The following C11orf65 variants were observed in gnomAD, a reference collection of about 807,000 sequenced individuals.
C11orf65 encodes the protein chromosome 11 open reading frame 65, also known as protein MFI.
A neutral mutation model predicts 35.3 loss-of-function variants in C11orf65; 38 were observed. That is an observed-to-expected ratio of 1.08 (90% CI 0.83 to 1.41). The LOEUF is 1.41. Among genes scored for constraint, C11orf65 ranks in the 40% most tolerant of loss-of-function variants. The pLI, the probability that C11orf65 is intolerant of heterozygous loss-of-function variation, is 0.00. For synonymous variants in C11orf65, 105 were observed against 114.4 expected (o/e 0.92, Z 0.53); for missense variants, 370 against 367.1 (o/e 1.01, Z -0.06).
chr11:108,367,266 T>C, intron 2 of C11orf65: 3 of 180,100 alleles, frequency 1.7e-5, no homozygotes, highest in Non-Finnish European at 3.6e-5. Flanking sequence ...GGATTACAGG[T>C]GTGAGCCACC....
rs1591440945 is a variant in C11orf65 at position 108,388,565 on chromosome 11, T to G, written c.732-2590A>C. Among the ~76,000 whole-genome samples, 7 of 152,266 alleles carry G rather than the reference T, an allele frequency of 4.6e-5. No individual in the cohort carries two copies. The South Asian group carries it at 1.5e-3, about 32-fold the overall frequency. On this transcript the variant is annotated intron_variant, in intron 7 of 8. Coordinates refer to ENST00000393084, the MANE Select transcript of C11orf65 (RefSeq NM_152587.5). ...TATCTTAGAAATCAAAGGAGCAGCT[T>G]CAGATATAGAAACTATCCATAACAG...
At position 108,343,237 on chromosome 11, in the gene C11orf65, C is replaced by T. The variant is rs751574257; in HGVS notation, c.227-7945G>A. On this transcript the variant is annotated intron_variant, in intron 2 of 3. Coordinates refer to the C11orf65 transcript ENST00000524755. ...GTAACTCCAGGTGGTTCCCCTCTCTCAGCGAAGTGGTGTTCTTGAATGGTG... is the reference window on the plus strand; with the variant it reads ...GTAACTCCAGGTGGTTCCCCTCTCTTAGCGAAGTGGTGTTCTTGAATGGTG... The T allele has an allele frequency of 6.2e-7, 1 of 1,613,972 alleles. No individual in the cohort carries two copies. The highest frequency in any genetic ancestry group is 2.2e-5 in the East Asian group (1 of 44,872).
chr11:108,327,819 A>T, downstream of C11orf65: 1 of 1,209,354 alleles, frequency 8.3e-7, no homozygotes, highest in South Asian at 1.3e-5. Flanking sequence ...TCATCTTTTC[A>T]TCAAGATCAA....
intron 2 of C11orf65, chr11:108,365,259 G>C (rs1442055548): frequency 6.2e-7 from 1 of 1,614,066 alleles, no homozygotes; most frequent in African/African-American, 1.3e-5. Context: ...CAGTTTTTCA[G>C]ATTTTCTTAT....
chr11:108,394,512 C>G (rs1477591298), intron 6 of C11orf65, among the ~76,000 whole-genome samples: 1 of 152,224 alleles, frequency 6.6e-6, no homozygotes, highest in Admixed American at 6.5e-5. Context: ...TTCTGCAGCA[C>G]TGCCTGTCTT....
intron 2 of C11orf65, chr11:108,346,501 T>TG (rs1458045015): frequency 2.0e-4 from 29 of 146,386 alleles, no homozygotes; most frequent in Non-Finnish European, 9.1e-5. Flanking sequence ...TATTTGTTGT[T>TG]TTTTTTTTTT....
intron 2 of C11orf65, among the ~76,000 whole-genome samples, chr11:108,377,700 T>G (rs938049762): frequency 2.6e-5 from 4 of 151,718 alleles, no homozygotes; most frequent in Admixed American, 6.6e-5. Context: ...TGTCCCTGTT[T>G]GCAGATGACA....
chr11:108,411,843 A>G (rs2092663223), intron 3 of C11orf65, among the ~76,000 whole-genome samples: 1 of 149,898 alleles, frequency 6.7e-6, no homozygotes, highest in Non-Finnish European at 1.5e-5. Flanking sequence ...GCTGGAGTGC[A>G]GTGGTGTGAT....
chr11:108,395,369 G>A (rs1042149825), intron 6 of C11orf65, among the ~76,000 whole-genome samples: 2 of 150,860 alleles, frequency 1.3e-5, no homozygotes, highest in African/African-American at 4.9e-5. Flanking sequence ...CTGTCTCCCA[G>A]GCTGGAGTGC....
At chr11:108,324,952 T>G (rs1565517030) in intron 6 of C11orf65, among the ~76,000 whole-genome samples, 1 of 152,210 alleles carries the variant, frequency 6.6e-6, no homozygotes, top group Non-Finnish European at 1.5e-5. Flanking sequence ...CAGGCAGTAT[T>G]GAAGCAGGAC....
rs533873986 is a variant in C11orf65 at position 108,336,610 on chromosome 11, G to A, written c.227-1318C>T. On this transcript the variant is annotated intron_variant, in intron 2 of 3. Coordinates refer to the C11orf65 transcript ENST00000524755. ...TCAGTCTTTTGCTGCTACAAACAAC[G>A]CTGTATTGTAGTGAATAACCTTGAA... Among the ~76,000 whole-genome samples the A allele has an allele frequency of 3.0e-3, 460 of 152,286 alleles. 5 individuals carry two copies. Among genetic ancestry groups the A allele is most frequent in the African/African-American group, 0.011 (448 of 41,578 alleles).
intron 1 of C11orf65, among the ~76,000 whole-genome samples, chr11:108,465,909 T>C (rs139122788): frequency 0.22 from 33,556 of 150,100 alleles, 4,803 homozygotes; most frequent in African/African-American, 0.4. Flanking sequence ...TGCTTGAACC[T>C]GGCAGGCGGA....
At chr11:108,374,145 A>AGCAC (rs1188694097) in intron 2 of C11orf65, among the ~76,000 whole-genome samples, 1 of 152,166 alleles carries the variant, frequency 6.6e-6, no homozygotes, top group Non-Finnish European at 1.5e-5. Flanking sequence ...TGGTTCTCCC[A>AGCAC]GCACGCAGTT....
At chr11:108,330,240 T>A (rs1555122992), downstream of C11orf65, 1 of 1,614,174 alleles carries the variant, frequency 6.2e-7, no homozygotes, top group Non-Finnish European at 8.5e-7. Context: ...CAGCGAGAGC[T>A]GGAGTTGGAT....
intron 3 of C11orf65, among the ~76,000 whole-genome samples, chr11:108,416,341 T>G (rs187442795): frequency 1.2e-4 from 18 of 152,176 alleles, no homozygotes; most frequent in African/African-American, 4.3e-4. Context: ...CATAAGCATA[T>G]GAAAAGATGG....
chr11:108,465,983 A>C (rs1425723973), intron 1 of C11orf65, among the ~76,000 whole-genome samples: 3 of 138,878 alleles, frequency 2.2e-5, no homozygotes, highest in Non-Finnish European at 4.6e-5. Flanking sequence ...AACTCGGTCT[A>C]AAAAAAAAAA....
In C11orf65 at chr11:108,402,056, TG is replaced by T. The variant is rs563635943; in HGVS notation, c.560+3372del. On this transcript the variant is annotated intron_variant, in intron 6 of 8. Transcript: ENST00000393084. ...GATTAGTAATTTCTTGTAACTGTTC[TG>T]GTTTATAAACTATCTCCTCTTGGAG... Among the ~76,000 whole-genome samples, 20 of 152,348 alleles carry T rather than the reference TG, an allele frequency of 1.3e-4. No homozygotes were observed. The South Asian group carries it at 4.1e-3, about 32-fold the overall frequency.
intron 2 of C11orf65, among the ~76,000 whole-genome samples, chr11:108,438,285 C>T (rs914759867): frequency 6.6e-6 from 1 of 152,162 alleles, no homozygotes; most frequent in Non-Finnish European, 1.5e-5. Context: ...CATGCAGTGG[C>T]TCACGCCTAT....
At chr11:108,456,989 A>G (rs1285969644) in intron 2 of C11orf65, among the ~76,000 whole-genome samples, 2 of 152,182 alleles carry the variant, frequency 1.3e-5, no homozygotes, top group African/African-American at 4.8e-5. Context: ...TTATAACGTA[A>G]TAGTACAGGT....
Sources: gnomAD v4.1 joint callset for allele counts (sites outside exome capture counted in the v4.1 genomes callset) on GRCh38, gnomAD v4.1.1 for gene constraint, MANE v1.5 for transcripts, NCBI Gene and HGNC (gene_info 2026-07-23, HGNC 2026-07-21) for gene names.